Variants in OXCT1 observed in about 807,000 individuals in gnomAD.
OXCT1 encodes the protein 3-oxoacid CoA-transferase 1.
In OXCT1, 27 loss-of-function variants were observed where a neutral mutation model predicts 69.6. That is an observed-to-expected ratio of 0.39 (90% CI 0.29 to 0.54). The LOEUF is 0.54. OXCT1 is among the 20% of genes least tolerant of loss of function. The probability of loss-of-function intolerance (pLI) is 0.72; values close to 1 mark genes in which losing one functional copy is unlikely to be tolerated. For synonymous variants in OXCT1, 202 were observed against 217.8 expected, an observed-to-expected ratio of 0.93 and a Z score of 0.64; for missense variants, 437 against 650.2, an observed-to-expected ratio of 0.67 and a Z score of 3.57.
In OXCT1 at chr5:41,850,146, C is replaced by A; in HGVS notation, c.448G>T (p.Ala150Ser). ...TLAERIRAGGAGVPAFYTPTG... is the reference protein window; with the variant it reads ...TLAERIRAGGSGVPAFYTPTG... ...GGGGTGTAAAATGCAGGAACTCCAG[C>A]CCCGCCTGCACGGATCCTCTCTGCA... Residue 150 changes from alanine (A) to serine (S), a missense_variant, in exon 5 of 17, where the codon GCT (alanine) becomes TCT (serine). By Grantham distance (99) the Ala-to-Ser change is moderately conservative. Around this residue, in one of 4 missense-constraint regions of OXCT1, gnomAD observed 252 missense variants for 397.4 expected, o/e 0.63. Coordinates refer to ENST00000196371, the MANE Select transcript of OXCT1 (RefSeq NM_000436.4). The A allele has an allele frequency of 6.2e-7, 1 of 1,613,818 alleles. No individual in the cohort carries two copies. Among genetic ancestry groups the A allele is most frequent in the Non-Finnish European group, 8.5e-7 (1 of 1,179,872 alleles).
intron 11 of OXCT1, among the ~76,000 whole-genome samples, chr5:41,798,199 C>T (rs1746268245): frequency 6.6e-6 from 1 of 152,092 alleles, no homozygotes; most frequent in African/African-American, 2.4e-5. Flanking sequence ...AAACACCCAG[C>T]AGTCCAGAAT....
chr5:41,800,926 G>A (rs1746390382), intron 11 of OXCT1, 96 bp downstream of exon 11: 1 of 1,013,904 alleles, frequency 9.9e-7, no homozygotes, highest in Admixed American at 1.7e-5. Flanking sequence ...ATACCATGGA[G>A]TGCTCTCCAG....
chr5:41,798,101 G>A (rs1322263617), intron 11 of OXCT1, among the ~76,000 whole-genome samples: 1 of 152,094 alleles, frequency 6.6e-6, no homozygotes, highest in African/African-American at 2.4e-5. Context: ...AGGAGATGGG[G>A]ATAAAAATGG....
At chr5:41,838,128 G>C (rs1460041137) in intron 7 of OXCT1, among the ~76,000 whole-genome samples, 1 of 152,156 alleles carries the variant, frequency 6.6e-6, no homozygotes, top group Non-Finnish European at 1.5e-5. Context: ...AAGAAAGCAA[G>C]ATAGGGCTTG....
intron 14 of OXCT1, among the ~76,000 whole-genome samples, chr5:41,754,195 A>C (rs531912315): frequency 1.7e-5 from 2 of 116,140 alleles, no homozygotes; most frequent in South Asian, 5.7e-4. Flanking sequence ...GAGAATATTA[A>C]ATACTTTGTC....
chr5:41,839,322 C>T (rs1561119008), intron 7 of OXCT1, among the ~76,000 whole-genome samples: 2 of 152,266 alleles, frequency 1.3e-5, no homozygotes, highest in East Asian at 3.9e-4. Context: ...GACAGTTTTA[C>T]AGAAATACAG....
chr5:41,802,156 T>G (rs1488834629), intron 10 of OXCT1, among the ~76,000 whole-genome samples: 1 of 152,132 alleles, frequency 6.6e-6, no homozygotes, highest in Non-Finnish European at 1.5e-5. Flanking sequence ...CACATGAATC[T>G]GCTTTTATCC....
intron 7 of OXCT1, among the ~76,000 whole-genome samples, chr5:41,825,108 G>C (rs556210164): frequency 6.6e-6 from 1 of 152,106 alleles, no homozygotes; most frequent in South Asian, 2.1e-4. Flanking sequence ...ACTTTCCTCA[G>C]GTAGGATTTG....
chr5:41,735,309 C>T (rs1742833729), intron 16 of OXCT1, among the ~76,000 whole-genome samples: 1 of 152,050 alleles, frequency 6.6e-6, no homozygotes, highest in Non-Finnish European at 1.5e-5. Context: ...ACAGATGAAC[C>T]CTGAATACAT....
intron 13 of OXCT1, among the ~76,000 whole-genome samples, chr5:41,771,595 T>C (rs1744872813): frequency 6.6e-6 from 1 of 152,214 alleles, no homozygotes; most frequent in South Asian, 2.1e-4. Flanking sequence ...ACTACAGAGA[T>C]GAAAACAAAC....
intron 10 of OXCT1, among the ~76,000 whole-genome samples, chr5:41,802,605 C>T (rs1248038585): frequency 2.6e-5 from 4 of 152,028 alleles, no homozygotes; most frequent in Admixed American, 2.0e-4. Flanking sequence ...TTCAGTTTCT[C>T]ACTCTGAGGC....
chr5:41,824,591 G>A (rs1488349393), intron 7 of OXCT1, among the ~76,000 whole-genome samples: 5 of 152,112 alleles, frequency 3.3e-5, no homozygotes, highest in Non-Finnish European at 7.4e-5. Flanking sequence ...AAAACATTTT[G>A]AGTGCAAACA....
chr5:41,818,773 T>A (rs1361948166), intron 7 of OXCT1, among the ~76,000 whole-genome samples: 3 of 152,158 alleles, frequency 2.0e-5, no homozygotes, highest in Non-Finnish European at 4.4e-5. Context: ...AACGTGTTTA[T>A]AAGACAAAAA....
intron 9 of OXCT1, among the ~76,000 whole-genome samples, chr5:41,803,934 G>T (rs912426371): frequency 1.3e-5 from 2 of 151,982 alleles, no homozygotes; most frequent in African/African-American, 4.8e-5. Context: ...TGGAACTACT[G>T]CCCACTACTG....
chr5:41,834,001 TC>T (rs1436490192), intron 7 of OXCT1, among the ~76,000 whole-genome samples: 6 of 150,788 alleles, frequency 4.0e-5, no homozygotes, highest in Non-Finnish European at 7.4e-5. Context: ...AGAGCAAAAT[TC>T]CGTCTCAAAA....
At chr5:41,825,925 A>G (rs11750760) in intron 7 of OXCT1, among the ~76,000 whole-genome samples, 28,289 of 152,228 alleles carry the variant, frequency 0.19, 2,822 homozygotes, top group Middle Eastern at 0.29. Flanking sequence ...AATAACTTTA[A>G]TCTTCATCCC....
intron 13 of OXCT1, among the ~76,000 whole-genome samples, chr5:41,765,594 G>C (rs1299168569): frequency 1.3e-5 from 2 of 152,162 alleles, no homozygotes; most frequent in Non-Finnish European, 2.9e-5. Context: ...AACTGTTATA[G>C]CTGCACAACA....
chr5:41,800,983 T>C (rs552724696), intron 11 of OXCT1, 39 bp downstream of exon 11: 2 of 1,562,290 alleles, frequency 1.3e-6, no homozygotes, highest in African/African-American at 2.7e-5. Flanking sequence ...TAGCACAAAA[T>C]TAATAGCAAA....
At chr5:41,801,900 A>C (rs912625612) in intron 10 of OXCT1, among the ~76,000 whole-genome samples, 11 of 152,148 alleles carry the variant, frequency 7.2e-5, no homozygotes, top group African/African-American at 2.4e-4. Flanking sequence ...AATAAAAGGC[A>C]TACTATATAA....
Sources: allele counts gnomAD v4.1 joint callset (sites outside exome capture counted in the v4.1 genomes callset), GRCh38; gene constraint gnomAD v4.1.1; regional missense constraint gnomAD v4.1.1; transcripts MANE v1.5; gene names NCBI Gene and HGNC (gene_info 2026-07-23, HGNC 2026-07-21).